The following TPPP variants were observed in gnomAD, a reference collection of about 807,000 sequenced individuals.
The protein encoded by TPPP is tubulin polymerization promoting protein, also known as tubulin polymerization-promoting protein.
Under a neutral mutation model 15.5 loss-of-function variants are expected in TPPP, and 6 were observed. The ratio of observed to expected loss-of-function variants is 0.39; its 90% CI spans 0.21 to 0.77. The LOEUF (loss-of-function observed/expected upper bound fraction) is 0.77. Among genes scored for constraint, TPPP ranks in the 30% least tolerant of loss-of-function variants. The probability of loss-of-function intolerance (pLI) is 0.42; values close to 1 mark genes in which losing one functional copy is unlikely to be tolerated. For synonymous variants in TPPP, 146 were observed against 133.9 expected (o/e 1.09, Z -0.63); for missense variants, 269 against 307.2 (o/e 0.88, Z 0.93).
rs950696495 is a variant in TPPP, at chr5:663,179, G to A, written c.*1923C>T. On this transcript the variant is annotated 3_prime_UTR_variant, in exon 4 of 4. Coordinates refer to ENST00000360578, the MANE Select transcript of TPPP (RefSeq NM_007030.3). Reference sequence around the variant, plus strand: ...GGGTGAGTCCGATGACTGCTCGTCTGTGACCGGGCGATTCCGGTGACCGCT... The same window carrying A: ...GGGTGAGTCCGATGACTGCTCGTCTATGACCGGGCGATTCCGGTGACCGCT... 1.6e-5 allele frequency: 2 copies of A among 121,386 alleles called. No individual in the cohort carries two copies. The highest frequency in any genetic ancestry group is 4.1e-5 in the Non-Finnish European group (2 of 49,076). The allele number at this position is 121,386 out of a possible 1,614,324, so 7.5% of individuals were successfully genotyped here. A position where few individuals can be genotyped will look rare whatever the true frequency, so the allele number is the denominator to read the frequency against.
At chr5:672,382 T>C (rs1295643368) in intron 2 of TPPP, among the ~76,000 whole-genome samples, 1 of 152,238 alleles carries the variant, frequency 6.6e-6, no homozygotes, top group African/African-American at 2.4e-5. Context: ...CCCAGGTGTC[T>C]ATAGGAAACG....
chr5:677,562 C>T (rs942831531), intron 2 of TPPP, among the ~76,000 whole-genome samples, 188 bp downstream of exon 2: 1 of 152,158 alleles, frequency 6.6e-6, no homozygotes, highest in African/African-American at 2.4e-5. Context: ...TGCCCGGACC[C>T]CTGCTCCCTG....
chr5:699,376 C>A, the TPPP span, among the ~76,000 whole-genome samples: 2 of 152,066 alleles, frequency 1.3e-5, no homozygotes, highest in African/African-American at 4.8e-5. Flanking sequence ...GGAAATGACA[C>A]CCTTTTCAAT....
At position 665,306 on chromosome 5, in the gene TPPP, G is replaced by A. The variant is rs535687967; in HGVS notation, c.466-10C>T. 1.2e-6 allele frequency: 2 copies of A among 1,609,206 alleles called. No homozygotes were observed. The highest frequency in any genetic ancestry group is 2.2e-5 in the East Asian group (1 of 44,740). On this transcript the variant is annotated splice_polypyrimidine_tract_variant and intron_variant, in intron 3 of 3. Transcript: ENST00000360578. ...GCGACGAGATGGCTTTCTGCAAGAG[G>A]AGCAGGAGGAAGGGGGCAGGTGAGT...
chr5:692,404 CT>C (rs1341287969), intron 1 of TPPP, among the ~76,000 whole-genome samples: 1 of 137,434 alleles, frequency 7.3e-6, no homozygotes, highest in Non-Finnish European at 1.6e-5. Context: ...CCCCAAACCC[CT>C]ATCAAAACAG....
Position 665,243 on chromosome 5 carries a change from C to A in TPPP, c.519G>T (p.Thr173=). 1.2e-6 allele frequency: 2 copies of A among 1,613,766 alleles called. No homozygotes were observed. Among genetic ancestry groups the A allele is most frequent in the South Asian group, 2.2e-5 (2 of 91,074 alleles). The part of the protein sequence containing the change: ...VSRLTDTTKF[T]GSHKERFDPS... ...GGTCGAAGCGCTCCTTGTGGGAGCC[C>A]GTGAACTTGGTGGTGTCCGTGAGCC... The change falls in exon 4 of 4, where the codon ACG becomes ACT. Residue 173 remains threonine (T), a synonymous_variant. Coordinates refer to ENST00000360578, the MANE Select transcript of TPPP (RefSeq NM_007030.3).
upstream of TPPP, among the ~76,000 whole-genome samples, chr5:696,081 G>A (rs1409339946): frequency 2.8e-5 from 3 of 105,806 alleles, 1 homozygote; most frequent in African/African-American, 4.1e-5. Context: ...TGGCACCCGC[G>A]CCCACCCCTG....
At position 670,297 on chromosome 5, in the gene TPPP, G is replaced by A. The variant is rs142221868; in HGVS notation, c.312-4174C>T. Among the ~76,000 whole-genome samples, 440 of 152,284 alleles carry A rather than the reference G, an allele frequency of 2.9e-3. 1 individual carries two copies. The highest frequency in any genetic ancestry group is 7.7e-3 in the African/African-American group (320 of 41,566). On this transcript the variant is annotated intron_variant, in intron 2 of 3. Transcript: ENST00000360578. ...GTGCCCTCTCTGAGGGGCGGGGGCC[G>A]GCGGGCGAGGTGACAGCTACCAGCT...
upstream of TPPP, among the ~76,000 whole-genome samples, chr5:696,874 TTG>T (rs1404278394): frequency 6.1e-5 from 6 of 98,328 alleles, no homozygotes; most frequent in Admixed American, 9.1e-5. Flanking sequence ...GTGTGTCTAT[TTG>T]TGTGTCTCTG....
intron 1 of TPPP, among the ~76,000 whole-genome samples, chr5:684,991 C>A (rs766538208): frequency 6.6e-6 from 1 of 152,198 alleles, no homozygotes; most frequent in East Asian, 1.9e-4. Context: ...CAGGTGCACA[C>A]GGCCGGGGCC....
chr5:683,591 T>A (rs745936949), intron 1 of TPPP, among the ~76,000 whole-genome samples: 10 of 152,224 alleles, frequency 6.6e-5, no homozygotes, highest in Non-Finnish European at 1.5e-4. Flanking sequence ...GTGCTGTGAC[T>A]GCAGGATGCC....
chr5:673,568 C>T (rs562726929), intron 2 of TPPP, among the ~76,000 whole-genome samples: 8 of 152,320 alleles, frequency 5.3e-5, no homozygotes, highest in East Asian at 1.9e-4. Context: ...CGCCCACTCA[C>T]GGTGCCCAGC....
At chr5:696,299 C>T (rs1281688432), upstream of TPPP, among the ~76,000 whole-genome samples, 13 of 124,480 alleles carry the variant, frequency 1.0e-4, no homozygotes, top group South Asian at 5.7e-4. Context: ...GCACGGGGAG[C>T]GGGGGGAGCA....
At chr5:670,296 C>T (rs550442360) in intron 2 of TPPP, among the ~76,000 whole-genome samples, 9 of 152,216 alleles carry the variant, frequency 5.9e-5, no homozygotes, top group African/African-American at 1.9e-4. Context: ...GGGCGGGGGC[C>T]GGCGGGCGAG....
chr5:666,185 C>G (rs796903849), intron 2 of TPPP, 62 bp from the exon 3 acceptor site: 8 of 1,574,276 alleles, frequency 5.1e-6, no homozygotes, highest in Non-Finnish European at 6.9e-6. Flanking sequence ...CCTCCCCACG[C>G]GTGGGTCTGA....
At chr5:669,989 G>A (rs146055587) in intron 2 of TPPP, among the ~76,000 whole-genome samples, 1,543 of 152,250 alleles carry the variant, frequency 0.01, 12 homozygotes, top group South Asian at 0.021. Flanking sequence ...TCCCCAGCCC[G>A]GCGCCCTGCC....
chr5:684,081 A>C (rs1740702441), intron 1 of TPPP, among the ~76,000 whole-genome samples: 1 of 152,084 alleles, frequency 6.6e-6, no homozygotes, highest in Non-Finnish European at 1.5e-5. Flanking sequence ...CCGGAACAGG[A>C]CCCTCTCGTG....
At chr5:675,186 ACGGTGTGGCCAGGGGTT>A in intron 2 of TPPP, among the ~76,000 whole-genome samples, 1 of 49,064 alleles carries the variant, frequency 2.0e-5, no homozygotes, top group East Asian at 8.3e-4. Flanking sequence ...CATGGAGGGT[ACGGTGTGGCCAGGGGTT>A]CAGTGTAGCC....
At chr5:686,492 C>T (rs1315716033) in intron 1 of TPPP, among the ~76,000 whole-genome samples, 1 of 151,006 alleles carries the variant, frequency 6.6e-6, no homozygotes, top group Non-Finnish European at 1.5e-5. Context: ...CCCTGCCCCG[C>T]CCCAGCCCAC....
Sources: allele counts gnomAD v4.1 joint callset (sites outside exome capture counted in the v4.1 genomes callset), GRCh38; gene constraint gnomAD v4.1.1; transcripts MANE v1.5; gene names NCBI Gene and HGNC (gene_info 2026-07-23, HGNC 2026-07-21).